Variants in LOC128706665 observed in about 807,000 individuals in gnomAD.
At chr20:10,416,635 G>T in the LOC128706665 span, among the ~76,000 whole-genome samples, 14 of 152,206 alleles carry the variant, frequency 9.2e-5, no homozygotes, top group Non-Finnish European at 1.9e-4. Context: ...CATTAATCTT[G>T]CTTTCCTTGT....
chr20:10,421,522 T>G, the LOC128706665 span, among the ~76,000 whole-genome samples: 1 of 152,170 alleles, frequency 6.6e-6, no homozygotes, highest in East Asian at 1.9e-4. Flanking sequence ...TCTGACAGGA[T>G]GTAGTGATAG....
the LOC128706665 span, among the ~76,000 whole-genome samples, chr20:10,427,966 C>T: frequency 1.3e-5 from 2 of 152,154 alleles, no homozygotes; most frequent in East Asian, 1.9e-4. Context: ...GTCAGAAGGC[C>T]GAAACAGGTA....
the LOC128706665 span, among the ~76,000 whole-genome samples, chr20:10,433,402 T>A: frequency 6.6e-6 from 1 of 152,090 alleles, no homozygotes; most frequent in Non-Finnish European, 1.5e-5. Flanking sequence ...GAACATGGAG[T>A]CAGGACCGTG....
the LOC128706665 span, among the ~76,000 whole-genome samples, chr20:10,423,907 T>C: frequency 1.3e-5 from 2 of 152,202 alleles, no homozygotes; most frequent in Non-Finnish European, 2.9e-5. Flanking sequence ...GATTTAATGA[T>C]TAATTGCTTT....
the LOC128706665 span, among the ~76,000 whole-genome samples, chr20:10,424,929 T>C: frequency 6.6e-6 from 1 of 151,972 alleles, no homozygotes; most frequent in Non-Finnish European, 1.5e-5. Context: ...GGCAGGCGCC[T>C]GTAATCCCAG....
the LOC128706665 span, among the ~76,000 whole-genome samples, chr20:10,418,131 G>A: frequency 1.3e-5 from 2 of 152,322 alleles, no homozygotes; most frequent in South Asian, 4.1e-4. Flanking sequence ...GTTTGTGTAT[G>A]TGTGTTTATT....
chr20:10,414,015 C>A, the LOC128706665 span: 4 of 390,986 alleles, frequency 1.0e-5, no homozygotes, highest in Non-Finnish European at 1.8e-5. Context: ...TTCTAATGCT[C>A]TGCTGCCTTT....
the LOC128706665 span, among the ~76,000 whole-genome samples, chr20:10,423,329 G>C: frequency 2.6e-5 from 4 of 152,088 alleles, no homozygotes; most frequent in African/African-American, 9.7e-5. Flanking sequence ...GCTGAGGTAG[G>C]AGGATCGCTT....
the LOC128706665 span, among the ~76,000 whole-genome samples, chr20:10,432,833 C>T: frequency 7.2e-6 from 1 of 139,054 alleles, no homozygotes; most frequent in Non-Finnish European, 1.6e-5. Context: ...GTTTTGTACA[C>T]AACTTGCCAC....
the LOC128706665 span, among the ~76,000 whole-genome samples, chr20:10,415,611 A>G: frequency 6.6e-6 from 1 of 152,224 alleles, no homozygotes; most frequent in African/African-American, 2.4e-5. Flanking sequence ...GCTATTACAG[A>G]TTCAGCAAAA....
the LOC128706665 span, among the ~76,000 whole-genome samples, chr20:10,431,527 A>AAAACCAAACC: frequency 0.014 from 2,039 of 150,836 alleles, 46 homozygotes; most frequent in African/African-American, 0.042. Context: ...ATAGGGTCAA[A>AAAACCAAACC]AAACCAAACC....
the LOC128706665 span, among the ~76,000 whole-genome samples, chr20:10,429,901 G>C: frequency 6.6e-6 from 1 of 152,180 alleles, no homozygotes; most frequent in South Asian, 2.1e-4. Flanking sequence ...AGAAACTCTA[G>C]GGTGGGGTCC....
At chr20:10,413,855 C>A in the LOC128706665 span, 1 of 443,568 alleles carries the variant, frequency 2.3e-6, no homozygotes, top group Non-Finnish European at 4.0e-6. Context: ...CTACAAGAAG[C>A]CAGTTCTTTC....
the LOC128706665 span, chr20:10,420,537 G>A: frequency 6.6e-6 from 1 of 152,168 alleles, no homozygotes; most frequent in African/African-American, 2.4e-5. Context: ...CCTGAAGATT[G>A]CAAGCCTGCT....
chr20:10,431,303 C>A, the LOC128706665 span, among the ~76,000 whole-genome samples: 78,666 of 151,832 alleles, frequency 0.52, 20,724 homozygotes, highest in Non-Finnish European at 0.56. Context: ...ATGTATCCCA[C>A]ATTCACAATA....
At chr20:10,431,948 C>G in the LOC128706665 span, 1 of 151,888 alleles carries the variant, frequency 6.6e-6, no homozygotes, top group Non-Finnish European at 1.5e-5. Flanking sequence ...TTCTCTAGCA[C>G]GTGATTCCTT....
chr20:10,414,137 G>A, the LOC128706665 span, among the ~76,000 whole-genome samples: 1 of 152,094 alleles, frequency 6.6e-6, no homozygotes, highest in Non-Finnish European at 1.5e-5. Context: ...AAGAAAAAGT[G>A]CTTGTATTTC....
the LOC128706665 span, among the ~76,000 whole-genome samples, chr20:10,428,553 T>C: frequency 6.6e-6 from 1 of 152,186 alleles, no homozygotes; most frequent in Admixed American, 6.5e-5. Context: ...CTAAATCTTC[T>C]TTCAGCTGGG....
At chr20:10,416,297 T>C in the LOC128706665 span, among the ~76,000 whole-genome samples, 3 of 151,234 alleles carry the variant, frequency 2.0e-5, no homozygotes, top group African/African-American at 4.9e-5. Flanking sequence ...GCAAATGGAG[T>C]TCTTTGGCAA....
Sources: allele counts gnomAD v4.1 joint callset (sites outside exome capture counted in the v4.1 genomes callset), GRCh38; gene constraint gnomAD v4.1.1; transcripts MANE v1.5.